The following CHML variants were observed in gnomAD, a reference collection of about 807,000 sequenced individuals.
CHML encodes rab proteins geranylgeranyltransferase component A 2.
In CHML, 20 loss-of-function variants were observed where a neutral mutation model predicts 30.4. The ratio of observed to expected loss-of-function variants is 0.66; its 90% CI spans 0.46 to 0.95. The LOEUF (loss-of-function observed/expected upper bound fraction) is 0.95, where lower values mean the gene tolerates loss of function less well. CHML is among the 40% of genes least tolerant of loss of function. The pLI is 0.00. For missense variants in CHML, 795 were observed against 768.5 expected, an observed-to-expected ratio of 1.03 and a Z score of -0.41; for synonymous variants, 281 against 275.0, an observed-to-expected ratio of 1.02 and a Z score of -0.22.
chr1:241,630,588 T>C lies in CHML; in HGVS notation c.*3208A>G, dbSNP rs1664593221. On this transcript the variant is annotated 3_prime_UTR_variant, in exon 2 of 2. Transcript: ENST00000366553. ...TATGCTACTTTCCTTATCTTCCTCATTTTGTGAATGCTGGCTTTTATTGCA... is the reference window on the plus strand; with the variant it reads ...TATGCTACTTTCCTTATCTTCCTCACTTTGTGAATGCTGGCTTTTATTGCA... The C allele has an allele frequency of 6.6e-6, 1 of 152,064 alleles. No individual in the cohort carries two copies. 9.4% of individuals were successfully genotyped at this position (152,064 alleles called of 1,614,324 possible).
rs1414549781 is a variant in CHML at position 241,633,308 on chromosome 1, C to A, written c.*488G>T. On this transcript the variant is annotated 3_prime_UTR_variant, in exon 2 of 2. Transcript: ENST00000366553. ...TTGTATTAGTTGCTATTCCTACCAC[C>A]ATGTCTATACATTTATATTATATGC... 1.3e-5 allele frequency: 2 copies of A among 158,012 alleles called. No homozygotes were observed. Among genetic ancestry groups the A allele is most frequent in the Non-Finnish European group, 1.4e-5 (1 of 71,422 alleles). 9.8% of individuals were successfully genotyped at this position (158,012 alleles called of 1,614,324 possible).
chr1:241,633,894 G>A lies in CHML; in HGVS notation c.1873C>T (p.Pro625Ser). ...ACATTATTGGTTCCAGGAGCCTCTG[G>A]CTGCTTATCATCACCATCAAAGATA... is the stretch of plus-strand genomic sequence containing the variant. ...DIIFDGDDKQ[P>S]EAPGTNNVVM... The change falls in exon 2 of 2, where the codon CCA becomes TCA. Residue 625 changes from proline (P) to serine (S), a missense_variant. By Grantham distance (74) the Pro-to-Ser change is moderately conservative (BLOSUM62 -1). Coordinates refer to ENST00000366553, the MANE Select transcript of CHML (RefSeq NM_001381853.1). 1 of 1,613,852 alleles carries A rather than the reference G, an allele frequency of 6.2e-7. No individual in the cohort carries two copies. The highest frequency in any genetic ancestry group is 8.5e-7 in the Non-Finnish European group (1 of 1,179,804).
In CHML at chr1:241,629,964, A is replaced by G. The variant is rs1318515533; in HGVS notation, c.*3832T>C. The G allele has an allele frequency of 6.6e-6, 1 of 152,100 alleles. No individual in the cohort carries two copies. Among genetic ancestry groups the G allele is most frequent in the Non-Finnish European group, 1.5e-5 (1 of 67,942 alleles). 9.4% of individuals were successfully genotyped at this position (152,100 alleles called of 1,614,324 possible). On this transcript the variant is annotated 3_prime_UTR_variant, in exon 2 of 2. Transcript: ENST00000366553. ...AACTTACATCTTTGCTTGCTTTCCT[A>G]AATAATTTATTACAATTATGCCATA...
rs1664853400 is a variant in CHML, at chr1:241,635,423, T to C, written c.344A>G (p.Glu115Gly). ...AGGATTTTTCTGCAGAGCACCAATCTCTTCAACGTTGTCCTCCATATCCTG... is the reference window on the plus strand; with the variant it reads ...AGGATTTTTCTGCAGAGCACCAATCCCTTCAACGTTGTCCTCCATATCCTG... ...ASQDMEDNVE[E>G]IGALQKNPSL... Residue 115 changes from glutamate (E) to glycine (G), a missense_variant, in exon 2 of 2, where the codon GAG becomes GGG. By Grantham distance (98) the Glu-to-Gly change is moderately conservative. Transcript: ENST00000366553. The C allele has an allele frequency of 1.2e-6, 2 of 1,614,030 alleles. No homozygotes were observed. The highest frequency in any genetic ancestry group is 8.5e-7 in the Non-Finnish European group (1 of 1,179,964).
Position 241,640,332 on chromosome 1 carries a change from G to T in CHML, c.-758C>A, listed in dbSNP as rs1306182033. ...TCGCGGCGCGCTCCGCACTGGGTGG[G>T]GTTGGGGCTCCGCCGCCTGCTCTAG... On this transcript the variant is annotated 5_prime_UTR_variant, in exon 1 of 2. Transcript: ENST00000366553. The T allele has an allele frequency of 4.6e-6, 5 of 1,083,300 alleles. No homozygotes were observed. Among genetic ancestry groups the T allele is most frequent in the Non-Finnish European group, 5.6e-6 (5 of 896,306 alleles). 67.1% of individuals were successfully genotyped at this position (1,083,300 alleles called of 1,614,324 possible). A position where few individuals can be genotyped will look rare whatever the true frequency, so the allele number is the denominator to read the frequency against.
chr1:241,630,221 T>C lies in CHML; in HGVS notation c.*3575A>G, dbSNP rs901633802. 6.6e-6 allele frequency: 1 copy of C among 152,042 alleles called. No homozygotes were observed. The highest frequency in any genetic ancestry group is 1.5e-5 in the Non-Finnish European group (1 of 67,928). 9.4% of individuals were successfully genotyped at this position (152,042 alleles called of 1,614,324 possible). The stretch of plus-strand genomic sequence containing the variant: ...AGTAGTGAAATGAGAACTGTAATTC[T>C]GGTTTTCAAAAAAACTCCCCATCTC... On this transcript the variant is annotated 3_prime_UTR_variant, in exon 2 of 2. Transcript: ENST00000366553.
In CHML at chr1:241,630,868, C is replaced by T. The variant is rs1282721726; in HGVS notation, c.*2928G>A. The T allele has an allele frequency of 6.6e-6, 1 of 152,008 alleles. No individual in the cohort carries two copies. Among genetic ancestry groups the T allele is most frequent in the African/African-American group, 2.4e-5 (1 of 41,406 alleles). The allele number at this position is 152,008 out of a possible 1,614,324, so 9.4% of individuals were successfully genotyped here. Reference sequence around the variant, plus strand: ...TTTTGATGCTGATTTAATGGCTGTTCTGCTTAACACCAGCCTTATAATCCT... The same window carrying T: ...TTTTGATGCTGATTTAATGGCTGTTTTGCTTAACACCAGCCTTATAATCCT... On this transcript the variant is annotated 3_prime_UTR_variant, in exon 2 of 2. Coordinates refer to ENST00000366553, the MANE Select transcript of CHML (RefSeq NM_001381853.1).
rs1031381000 is a variant in CHML at position 241,633,364 on chromosome 1, T to C, written c.*432A>G. 1 of 164,844 alleles carries C rather than the reference T, an allele frequency of 6.1e-6. No homozygotes were observed. The highest frequency in any genetic ancestry group is 5.7e-5 in the Admixed American group (1 of 17,586). 10.2% of individuals were successfully genotyped at this position (164,844 alleles called of 1,614,324 possible). Reference sequence around the variant, plus strand: ...ATCCACATAATTTACCATTTGTGTATGTTTCACTATTCGAACAGGCCGCAG... The same window carrying C: ...ATCCACATAATTTACCATTTGTGTACGTTTCACTATTCGAACAGGCCGCAG... On this transcript the variant is annotated 3_prime_UTR_variant, in exon 2 of 2. Coordinates refer to ENST00000366553, the MANE Select transcript of CHML (RefSeq NM_001381853.1).
chr1:241,637,393 A>T (rs758695465), intron 1 of CHML, among the ~76,000 whole-genome samples: 3 of 152,200 alleles, frequency 2.0e-5, no homozygotes, highest in Non-Finnish European at 2.9e-5. Context: ...CATTTTTGGC[A>T]TTCCCTAAGA....
At position 241,640,313 on chromosome 1, in the gene CHML, C is replaced by A; in HGVS notation, c.-739G>T. ...GCTCAGCTTGCGGCGGGGCTCGCGGCGCGCTCCGCACTGGGTGGGGTTGGG... is the reference window on the plus strand; with the variant it reads ...GCTCAGCTTGCGGCGGGGCTCGCGGAGCGCTCCGCACTGGGTGGGGTTGGG... On this transcript the variant is annotated 5_prime_UTR_variant, in exon 1 of 2. Coordinates refer to ENST00000366553, the MANE Select transcript of CHML (RefSeq NM_001381853.1). 9.1e-7 allele frequency: 1 copy of A among 1,098,984 alleles called. No individual in the cohort carries two copies. 68.1% of individuals were successfully genotyped at this position (1,098,984 alleles called of 1,614,324 possible).
In CHML at chr1:241,634,919, A is replaced by G. The variant is rs201889209; in HGVS notation, c.848T>C (p.Val283Ala). The G allele has an allele frequency of 6.2e-7, 1 of 1,611,096 alleles. No individual in the cohort carries two copies. The highest frequency in any genetic ancestry group is 2.2e-5 in the East Asian group (1 of 44,852). Residue 283 changes from valine to alanine, a missense_variant, in exon 2 of 2, where the codon GTC (valine) becomes GCC (alanine). Physicochemically the swap from Val to Ala is moderately conservative, Grantham distance 64. Transcript: ENST00000366553. The stretch of plus-strand genomic sequence containing the variant: ...CATGGTGAGTTCCTTGCTATTAAAG[A>G]CATCTGCTCTGGAACAAGGAACTTG... Reference protein sequence around the residue: ...VEQVPCSRADVFNSKELTMVE... With the variant: ...VEQVPCSRADAFNSKELTMVE...
In CHML at chr1:241,635,678, C is replaced by A. The variant is rs1304075424; in HGVS notation, c.89G>T (p.Ser30Ile). The change falls in exon 2 of 2, where the codon AGT becomes ATT. Residue 30 changes from serine to isoleucine, a missense_variant. Ser to Ile is a moderately radical substitution (Grantham distance 142). Coordinates refer to ENST00000366553, the MANE Select transcript of CHML (RefSeq NM_001381853.1). Reference protein sequence around the residue: ...ESILAAACSRSGQRVLHIDSR... With the variant: ...ESILAAACSRIGQRVLHIDSR... ...ATCAATATGCAGAACCCTCTGACCA[C>A]TTCTTGAACATGCAGCTGCAAGGAT... is the stretch of plus-strand genomic sequence containing the variant. 1 of 1,614,074 alleles carries A rather than the reference C, an allele frequency of 6.2e-7. No homozygotes were observed. Among genetic ancestry groups the A allele is most frequent in the Non-Finnish European group, 8.5e-7 (1 of 1,179,936 alleles).
rs1159115204 is a variant in CHML, at chr1:241,634,853, A to C, written c.914T>G (p.Leu305Ter). Residue 305 changes from leucine (L) to a stop codon, truncating the protein, a stop_gained, in exon 2 of 2, where the codon TTA becomes TGA. Coordinates refer to ENST00000366553, the MANE Select transcript of CHML (RefSeq NM_001381853.1). LOFTEE classifies it high-confidence loss of function. ...RMLMKFLTFC[L>*]EYEQHPDEYQ... ...TTCATCAGGATGTTGTTCATACTCT[A>C]AACAAAATGTGAGAAATTTCATTAG... The C allele has an allele frequency of 2.5e-6, 4 of 1,610,012 alleles. No individual in the cohort carries two copies. Among genetic ancestry groups the C allele is most frequent in the Non-Finnish European group, 3.4e-6 (4 of 1,178,522 alleles).
rs1163242639 is a variant in CHML at position 241,634,646 on chromosome 1, G to C, written c.1121C>G (p.Pro374Arg). 1 of 1,613,810 alleles carries C rather than the reference G, an allele frequency of 6.2e-7. No individual in the cohort carries two copies. The highest frequency in any genetic ancestry group is 8.5e-7 in the Non-Finnish European group (1 of 1,179,908). ...TTGGCCATACAAGGGAAATAAAAAG[G>C]GGGTGTTGCCAAACCGTCCGAGACA... is the stretch of plus-strand genomic sequence containing the variant. ...LQCLGRFGNT[P>R]FLFPLYGQGE... Residue 374 changes from proline to arginine, a missense_variant, in exon 2 of 2, where the codon CCC (proline) becomes CGC (arginine). Coordinates refer to ENST00000366553, the MANE Select transcript of CHML (RefSeq NM_001381853.1).
In CHML at chr1:241,635,104, TTGAGAG is replaced by T. The variant is rs763139904; in HGVS notation, c.657_662del (p.Tyr219_Gln221delinsTer). ...TAAACCTCCTGCCTTCTTTAACTAT[TTGAGAG>T]TAAGTAATCCTATTTCTAATTGGTT... On this transcript the variant is annotated stop_gained and inframe_deletion, in exon 2 of 2. Transcript: ENST00000366553. LOFTEE classifies it high-confidence loss of function. 4.5e-5 allele frequency: 73 copies of T among 1,612,772 alleles called. 1 individual carries two copies. The South Asian group carries it at 7.5e-4, about 16-fold the overall frequency.
At position 241,634,979 on chromosome 1, in the gene CHML, G is replaced by A. The variant is rs959680092; in HGVS notation, c.788C>T (p.Thr263Ile). Residue 263 changes from threonine to isoleucine, a missense_variant, in exon 2 of 2, where the codon ACT becomes ATT. Thr to Ile is a moderately conservative substitution (Grantham distance 89). Coordinates refer to ENST00000366553, the MANE Select transcript of CHML (RefSeq NM_001381853.1). ...VSRYVEFKNV[T>I]RILAFREGKV... ...TCCTTCCCGAAATGCAAGAATCCTAGTGACATTTTTAAATTCTACATAACG... is the reference window on the plus strand; with the variant it reads ...TCCTTCCCGAAATGCAAGAATCCTAATGACATTTTTAAATTCTACATAACG... 6.8e-6 allele frequency: 11 copies of A among 1,613,480 alleles called. No homozygotes were observed. The African/African-American group carries it at 1.1e-4, about 16-fold the overall frequency.
chr1:241,635,499 G>A lies in CHML; in HGVS notation c.268C>T (p.Arg90Cys), dbSNP rs920323227. The change falls in exon 2 of 2, where the codon CGC becomes TGC. Residue 90 changes from arginine (R) to cysteine (C), a missense_variant. By Grantham distance (180) the Arg-to-Cys change is radical (BLOSUM62 -3). Transcript: ENST00000366553. ...IHETEEAITL[R>C]KKDETIQHTE... is the part of the protein sequence containing the mutation. ...TGTTGAATAGTTTCATCCTTCTTGC[G>A]AAGAGTGATGGCTTCTTCTGTTTCA... The A allele has an allele frequency of 8.1e-6, 13 of 1,613,676 alleles. No homozygotes were observed. The highest frequency in any genetic ancestry group is 6.7e-5 in the East Asian group (3 of 44,892).
rs375415706 is a variant in CHML at position 241,629,466 on chromosome 1, C to G, written c.*4330G>C. The stretch of plus-strand genomic sequence containing the variant: ...ATTGATTTTTTATATCATTTATACA[C>G]GATCGCTTTATAAATTTGCCTAAGA... On this transcript the variant is annotated 3_prime_UTR_variant, in exon 2 of 2. Transcript: ENST00000366553. The G allele has an allele frequency of 1.8e-4, 27 of 152,036 alleles. No individual in the cohort carries two copies. The highest frequency in any genetic ancestry group is 2.0e-4 in the Admixed American group (3 of 15,264). 9.4% of individuals were successfully genotyped at this position (152,036 alleles called of 1,614,324 possible). A position where few individuals can be genotyped will look rare whatever the true frequency, so the allele number is the denominator to read the frequency against.
Position 241,628,860 on chromosome 1 carries a change from C to A in CHML, c.*4936G>T, listed in dbSNP as rs1469714115. 1 of 152,428 alleles carries A rather than the reference C, an allele frequency of 6.6e-6. No homozygotes were observed. Among genetic ancestry groups the A allele is most frequent in the Non-Finnish European group, 1.5e-5 (1 of 68,020 alleles). 9.4% of individuals were successfully genotyped at this position (152,428 alleles called of 1,614,324 possible). On this transcript the variant is annotated 3_prime_UTR_variant, in exon 2 of 2. Transcript: ENST00000366553. ...GTAATTTTCTCACCAGTTCAGTAAA[C>A]CACTTTACCAATTAATCTTTTATTT...
Sources: gnomAD v4.1 joint callset for allele counts (sites outside exome capture counted in the v4.1 genomes callset) on GRCh38, gnomAD v4.1.1 for gene constraint, MANE v1.5 for transcripts, NCBI Gene and HGNC (gene_info 2026-07-23, HGNC 2026-07-21) for gene names.